The following TEX15 variants were observed in gnomAD, a reference collection of about 807,000 sequenced individuals.
The protein encoded by TEX15 is testis-expressed protein 15.
A neutral mutation model predicts 237.3 loss-of-function variants in TEX15; 171 were observed. The ratio of observed to expected loss-of-function variants is 0.72; its 90% CI spans 0.64 to 0.82. The LOEUF (loss-of-function observed/expected upper bound fraction) is 0.82. Ranked by LOEUF, TEX15 falls within the 40% of genes least tolerant of loss-of-function variation. The pLI is 0.00. For missense variants in TEX15, 3,750 were observed against 3,646.5 expected, an observed-to-expected ratio of 1.03 and a Z score of -0.73; for synonymous variants, 1,338 against 1,269.8, an observed-to-expected ratio of 1.05 and a Z score of -1.14.
At chr8:30,907,751 A>G (rs1158545859) in intron 1 of TEX15, among the ~76,000 whole-genome samples, 1 of 141,664 alleles carries the variant, frequency 7.1e-6, no homozygotes, top group East Asian at 2.0e-4. Context: ...AAAATTTTAT[A>G]TCTAATTTAT....
chr8:30,860,168 G>T (rs1010971704), intron 5 of TEX15, 111 bp from the exon 6 acceptor site: 4 of 979,322 alleles, frequency 4.1e-6, no homozygotes, highest in Admixed American at 3.2e-5. Flanking sequence ...CTGAGACAGG[G>T]TCTCACTCTG....
chr8:30,877,995 C>G (rs970366005), intron 3 of TEX15, among the ~76,000 whole-genome samples: 4 of 151,904 alleles, frequency 2.6e-5, no homozygotes, highest in Non-Finnish European at 5.9e-5. Flanking sequence ...TACCCTGTCC[C>G]TAAATCCTGA....
chr8:30,889,954 C>CACATATATATATATATACGTATAT (rs1554502343), intron 2 of TEX15, among the ~76,000 whole-genome samples: 1 of 110,080 alleles, frequency 9.1e-6, no homozygotes, highest in African/African-American at 4.5e-5. Context: ...TATATATATA[C>CACATATATATATATATACGTATAT]ATATATATAT....
chr8:30,879,446 A>AT (rs747950165), intron 3 of TEX15, among the ~76,000 whole-genome samples: 1 of 152,256 alleles, frequency 6.6e-6, no homozygotes, highest in African/African-American at 2.4e-5. Context: ...ATTCGGAATT[A>AT]TTTTTTGCAT....
At chr8:30,884,197 A>AT (rs1162544221) in intron 3 of TEX15, among the ~76,000 whole-genome samples, 1 of 152,198 alleles carries the variant, frequency 6.6e-6, no homozygotes, top group East Asian at 1.9e-4. Context: ...TGACTTTTCA[A>AT]TAACTTCTAT....
At chr8:30,908,474 A>AT (rs1031463167) in intron 1 of TEX15, among the ~76,000 whole-genome samples, 54 of 151,984 alleles carry the variant, frequency 3.6e-4, no homozygotes, top group Middle Eastern at 6.8e-3. Flanking sequence ...CATACAATTC[A>AT]TTTTTTTTGC....
At chr8:30,905,464 A>C (rs1389974684) in intron 1 of TEX15, among the ~76,000 whole-genome samples, 1 of 152,158 alleles carries the variant, frequency 6.6e-6, no homozygotes, top group East Asian at 1.9e-4. Flanking sequence ...TAATTTTCAG[A>C]CTGCAAATTT....
chr8:30,835,168 G>T (rs1336582241), intron 10 of TEX15, among the ~76,000 whole-genome samples: 1 of 151,842 alleles, frequency 6.6e-6, no homozygotes, highest in African/African-American at 2.4e-5. Context: ...GCAGTGGCGC[G>T]ATCTCGGCTC....
intron 1 of TEX15, among the ~76,000 whole-genome samples, chr8:30,905,436 C>A (rs979285631): frequency 6.6e-6 from 1 of 151,956 alleles, no homozygotes; most frequent in African/African-American, 2.4e-5. Flanking sequence ...TATTAAATAC[C>A]AGATCACCAA....
intron 3 of TEX15, among the ~76,000 whole-genome samples, chr8:30,878,447 G>C (rs1025514038): frequency 6.6e-5 from 10 of 151,998 alleles, no homozygotes; most frequent in African/African-American, 2.4e-4. Flanking sequence ...GCAATGGCGC[G>C]ATCTCGGCTC....
rs1346895102 is a variant in TEX15 at position 30,837,283 on chromosome 8, T to G, written c.9001A>C (p.Asn3001His). ...ATTAGGACTTTTGAATTTTTGTCATTCTGTTGTTCAGAAAGAGAGTACTCT... is the reference window on the plus strand; with the variant it reads ...ATTAGGACTTTTGAATTTTTGTCATGCTGTTGTTCAGAAAGAGAGTACTCT... ...GAEYSLSEQQ[N>H]DKNSKVLMQN... Residue 3001 changes from asparagine (N) to histidine (H), a missense_variant, in exon 10 of 11, where the codon AAT becomes CAT. Transcript: ENST00000643185. 6.2e-7 allele frequency: 1 copy of G among 1,614,106 alleles called. No individual in the cohort carries two copies. The highest frequency in any genetic ancestry group is 1.3e-5 in the African/African-American group (1 of 74,942).
Position 30,848,629 on chromosome 8 carries a change from A to G in TEX15, c.1538T>C (p.Met513Thr). The G allele has an allele frequency of 6.2e-7, 1 of 1,614,196 alleles. No homozygotes were observed. Among genetic ancestry groups the G allele is most frequent in the Non-Finnish European group, 8.5e-7 (1 of 1,180,022 alleles). The change falls in exon 8 of 11, where the codon ATG becomes ACG. Residue 513 changes from methionine to threonine, a missense_variant. Transcript: ENST00000643185. Reference protein sequence around the residue: ...VNDSQSWAHNMGSEDYDCIPP... With the variant: ...VNDSQSWAHNTGSEDYDCIPP... ...TATACAGTCATAGTCCTCAGAGCCC[A>G]TGTTGTGAGCCCAAGATTGTGAATC...
intron 1 of TEX15, among the ~76,000 whole-genome samples, chr8:30,909,999 A>T (rs189572208): frequency 2.3e-4 from 35 of 152,266 alleles, no homozygotes; most frequent in African/African-American, 8.2e-4. Flanking sequence ...AAGCCAAGCT[A>T]TTTTGAAATA....
At chr8:30,855,240 A>T (rs1355016129) in intron 7 of TEX15, among the ~76,000 whole-genome samples, 1 of 152,320 alleles carries the variant, frequency 6.6e-6, no homozygotes, top group South Asian at 2.1e-4. Flanking sequence ...GAGTTCAGCA[A>T]GACTGCAGGA....
chr8:30,887,576 A>G (rs1368582246), intron 2 of TEX15: 6 of 230,134 alleles, frequency 2.6e-5, no homozygotes, highest in East Asian at 1.0e-4. Flanking sequence ...AGGTGGGCAG[A>G]TCACTTGAGG....
intron 1 of TEX15, among the ~76,000 whole-genome samples, chr8:30,912,402 G>A (rs961581652): frequency 6.9e-6 from 1 of 144,486 alleles, no homozygotes; most frequent in African/African-American, 2.5e-5. Context: ...CCTGCGCAAC[G>A]CGGCTGCTCC....
intron 3 of TEX15, among the ~76,000 whole-genome samples, chr8:30,876,808 T>G (rs1808408047): frequency 6.6e-6 from 1 of 152,170 alleles, no homozygotes; most frequent in Non-Finnish European, 1.5e-5. Context: ...CCAGATCTCA[T>G]CTTGTAGTTC....
At chr8:30,910,600 C>T (rs1809195819) in intron 1 of TEX15, among the ~76,000 whole-genome samples, 2 of 149,746 alleles carry the variant, frequency 1.3e-5, no homozygotes, top group Non-Finnish European at 3.0e-5. Flanking sequence ...CTTGCACCAC[C>T]ACGCCTGGCC....
At chr8:30,869,747 A>T (rs1237631949) in intron 4 of TEX15, among the ~76,000 whole-genome samples, 1 of 151,994 alleles carries the variant, frequency 6.6e-6, no homozygotes, top group Non-Finnish European at 1.5e-5. Context: ...TTGCAATAAA[A>T]GCTTTTCTTT....
Sources: gnomAD v4.1 joint callset for allele counts (sites outside exome capture counted in the v4.1 genomes callset) on GRCh38, gnomAD v4.1.1 for gene constraint, MANE v1.5 for transcripts, NCBI Gene and HGNC (gene_info 2026-07-23, HGNC 2026-07-21) for gene names.